Variants in FUT8 observed in about 807,000 individuals in gnomAD.
FUT8 encodes the protein fucosyltransferase 8.
A neutral mutation model predicts 71.3 loss-of-function variants in FUT8; 29 were observed. That is an observed-to-expected ratio of 0.41 (90% CI 0.30 to 0.55). The LOEUF (loss-of-function observed/expected upper bound fraction) is 0.55. Among genes scored for constraint, FUT8 ranks in the 20% least tolerant of loss-of-function variants. The pLI, the probability that FUT8 is intolerant of heterozygous loss-of-function variation, is 0.34. For synonymous variants in FUT8, 254 were observed against 239.3 expected (o/e 1.06, Z -0.57); for missense variants, 544 against 702.1 (o/e 0.77, Z 2.55).
intron 2 of FUT8, among the ~76,000 whole-genome samples, chr14:65,530,784 G>A (rs530061062): frequency 2.0e-5 from 3 of 151,050 alleles, no homozygotes; most frequent in East Asian, 2.0e-4. Context: ...GCTCTTGCGT[G>A]TATGCTCTTA....
At chr14:65,661,493 T>C (rs1030341428) in intron 6 of FUT8, among the ~76,000 whole-genome samples, 2 of 152,226 alleles carry the variant, frequency 1.3e-5, no homozygotes, top group African/African-American at 4.8e-5. Context: ...AATGTTTTCT[T>C]TGTTGTTAAT....
In FUT8 at chr14:65,724,837, C is replaced by G. The variant is rs1053833007; in HGVS notation, c.1259+514C>G. 7.2e-5 allele frequency among the ~76,000 whole-genome samples: 11 copies of G among 152,104 alleles called. No homozygotes were observed. In the South Asian group the frequency reaches 8.3e-4, roughly 11 times the overall value. On this transcript the variant is annotated intron_variant, in intron 9 of 10. Transcript: ENST00000673929. ...TGCAGGGAACAGGAGAGGAAGTGTT[C>G]TGATGTCTCCACATATAAGGACACT...
intron 3 of FUT8, among the ~76,000 whole-genome samples, chr14:65,578,523 G>A (rs1566832100): frequency 6.6e-6 from 1 of 152,118 alleles, no homozygotes; most frequent in South Asian, 2.1e-4. Flanking sequence ...ACACAAATTC[G>A]TAAACTTTCT....
At chr14:65,431,616 C>T (rs939348149) in intron 1 of FUT8, among the ~76,000 whole-genome samples, 1 of 151,688 alleles carries the variant, frequency 6.6e-6, no homozygotes, top group African/African-American at 2.4e-5. Context: ...CTACTTCTTC[C>T]TAGGGCCTGA....
At chr14:65,421,496 G>A (rs1287967903) in intron 1 of FUT8, among the ~76,000 whole-genome samples, 6 of 151,998 alleles carry the variant, frequency 3.9e-5, no homozygotes, top group Admixed American at 1.3e-4. Context: ...TTCTTCCACC[G>A]TTTGCTTTAG....
chr14:65,692,331 AGACGGGGCGGCTG>A (rs1428663501), intron 7 of FUT8, among the ~76,000 whole-genome samples: 14 of 117,588 alleles, frequency 1.2e-4, no homozygotes, highest in African/African-American at 4.6e-4. Context: ...CTCACCTCCC[AGACGGGGCGGCTG>A]GCCGGGCGGG....
intron 2 of FUT8, among the ~76,000 whole-genome samples, chr14:65,523,265 TC>T (rs1206862587): frequency 1.3e-5 from 2 of 152,218 alleles, no homozygotes; most frequent in Non-Finnish European, 2.9e-5. Context: ...TGACCGCCAT[TC>T]TAACTGGTGT....
chr14:65,388,603 A>G, the FUT8 span, among the ~76,000 whole-genome samples: 3 of 152,254 alleles, frequency 2.0e-5, no homozygotes, highest in South Asian at 4.1e-4. Flanking sequence ...CTCTGCTAAA[A>G]TACAAAAAAT....
At chr14:65,486,367 G>A (rs2066409721) in intron 2 of FUT8, among the ~76,000 whole-genome samples, 2 of 152,156 alleles carry the variant, frequency 1.3e-5, no homozygotes, top group South Asian at 4.1e-4. Flanking sequence ...TTTAGAGAAC[G>A]CATTGTGATG....
chr14:65,530,204 G>A (rs1327598896), intron 2 of FUT8, among the ~76,000 whole-genome samples: 1 of 151,946 alleles, frequency 6.6e-6, no homozygotes, highest in Non-Finnish European at 1.5e-5. Context: ...CTCAGCAATG[G>A]CACTAGATTC....
In FUT8 at chr14:65,669,855, G is replaced by A. The variant is rs1892394457; in HGVS notation, c.835+375G>A. ...AGTTTATATGGACTACTATATATGA[G>A]TAGCATGAGCATGCATGAGAATCAT... On this transcript the variant is annotated intron_variant, in intron 7 of 10. Coordinates refer to ENST00000673929, the MANE Select transcript of FUT8 (RefSeq NM_001371533.1). This position sits in a 1 kb window ranked among gnomAD's most constrained non-coding sequence, Gnocchi z 4.5. Among the ~76,000 whole-genome samples, 1 of 152,022 alleles carries A rather than the reference G, an allele frequency of 6.6e-6. No individual in the cohort carries two copies. The highest frequency in any genetic ancestry group is 2.4e-5 in the African/African-American group (1 of 41,390).
At chr14:65,377,785 C>T in the FUT8 span, among the ~76,000 whole-genome samples, 4 of 151,994 alleles carry the variant, frequency 2.6e-5, no homozygotes, top group Admixed American at 1.3e-4. Flanking sequence ...CCCCTCCCAC[C>T]GAGCACATGA....
At chr14:65,512,907 C>CA (rs35280167) in intron 2 of FUT8, among the ~76,000 whole-genome samples, 16,948 of 83,656 alleles carry the variant, frequency 0.2, 2,249 homozygotes, top group African/African-American at 0.37. Context: ...GACTCTGTCT[C>CA]AAAAAAAAAA....
intron 3 of FUT8, among the ~76,000 whole-genome samples, chr14:65,612,496 G>C (rs1889052486): frequency 6.6e-6 from 1 of 152,164 alleles, no homozygotes; most frequent in Non-Finnish European, 1.5e-5. Context: ...AGCCTGAGTA[G>C]TTCCTTATGT....
chr14:65,631,462 G>C (rs1446196383), intron 6 of FUT8, among the ~76,000 whole-genome samples: 1 of 151,804 alleles, frequency 6.6e-6, no homozygotes, highest in East Asian at 1.9e-4. Context: ...TTGTGGTTCC[G>C]TATTAGAGAA....
rs548939706 is a variant in FUT8, at chr14:65,492,114, A to C, written c.-228+36396A>C. 2.5e-4 allele frequency among the ~76,000 whole-genome samples: 38 copies of C among 152,326 alleles called. No homozygotes were observed. The East Asian group carries it at 6.2e-3, about 25-fold the overall frequency. On this transcript the variant is annotated intron_variant, in intron 2 of 10. Transcript: ENST00000673929. ...ATGAGATTATGTCTTCAATGTGCCT[A>C]ATTATACAATTGTTGGGACAATCAA...
intron 10 of FUT8, among the ~76,000 whole-genome samples, chr14:65,737,624 G>C (rs1446528436): frequency 6.6e-6 from 1 of 151,962 alleles, no homozygotes; most frequent in Non-Finnish European, 1.5e-5. Context: ...TCAGGTTCTG[G>C]GATCAATTTT....
At chr14:65,699,653 T>G (rs990536065) in intron 7 of FUT8, among the ~76,000 whole-genome samples, 3 of 152,200 alleles carry the variant, frequency 2.0e-5, no homozygotes, top group Non-Finnish European at 2.9e-5. Context: ...ATTGCAGATT[T>G]CTCATTGCGG....
At chr14:65,571,904 A>G (rs1348444046) in intron 3 of FUT8, among the ~76,000 whole-genome samples, 2 of 152,104 alleles carry the variant, frequency 1.3e-5, no homozygotes, top group Non-Finnish European at 2.9e-5. Context: ...CCCCACTTAA[A>G]CTCAATATAT....
Sources: allele counts gnomAD v4.1 joint callset (sites outside exome capture counted in the v4.1 genomes callset), GRCh38; gene constraint gnomAD v4.1.1; non-coding constraint Gnocchi (gnomAD v3.1); transcripts MANE v1.5; gene names NCBI Gene and HGNC (gene_info 2026-07-23, HGNC 2026-07-21).